NWD2: variants seen among roughly 807,000 people sequenced by gnomAD.
NWD2 encodes NACHT and WD repeat domain containing 2, also known as NACHT and WD repeat domain-containing protein 2.
NWD2 carries 37 observed loss-of-function variants against 132.7 expected under a neutral mutation model. The ratio of observed to expected loss-of-function variants is 0.28; its 90% confidence interval spans 0.21 to 0.37. The LOEUF (loss-of-function observed/expected upper bound fraction) is 0.37. Ranked by LOEUF, NWD2 falls within the 10% of genes least tolerant of loss-of-function variation. NWD2 has a pLI of 1.00. For synonymous variants in NWD2, 705 were observed against 803.0 expected, an observed-to-expected ratio of 0.88 and a Z score of 2.06; for missense variants, 1,592 against 2,122.4, an observed-to-expected ratio of 0.75 and a Z score of 4.91.
chr4:37,313,438 G>A (rs146151264), intron 1 of NWD2, among the ~76,000 whole-genome samples: 23,614 of 151,012 alleles, frequency 0.16, 2,449 homozygotes, highest in South Asian at 0.33. Flanking sequence ...AGTATTCTCT[G>A]ATGGTAGTTT....
chr4:37,384,736 C>T (rs1490265407), intron 3 of NWD2, among the ~76,000 whole-genome samples: 1 of 152,190 alleles, frequency 6.6e-6, no homozygotes, highest in Non-Finnish European at 1.5e-5. Context: ...AAGACTTTTA[C>T]CCCAAAGAAC....
intron 3 of NWD2, among the ~76,000 whole-genome samples, chr4:37,364,977 GTGTAGC>G (rs1187009019): frequency 6.6e-6 from 1 of 152,196 alleles, no homozygotes; most frequent in Non-Finnish European, 1.5e-5. Flanking sequence ...AAGACAAAGT[GTGTAGC>G]TGTAACTGAC....
At chr4:37,399,004 A>G (rs1459156260) in intron 3 of NWD2, among the ~76,000 whole-genome samples, 1 of 152,242 alleles carries the variant, frequency 6.6e-6, no homozygotes, top group Non-Finnish European at 1.5e-5. Flanking sequence ...ATTTTTCATC[A>G]TATGATAAAA....
chr4:37,342,083 C>T (rs1034681352), intron 2 of NWD2, among the ~76,000 whole-genome samples: 10 of 152,166 alleles, frequency 6.6e-5, no homozygotes, highest in African/African-American at 2.4e-4. Context: ...TGTTTATCCC[C>T]TCCAAATCTC....
chr4:37,421,542 C>A (rs977133473), intron 3 of NWD2, among the ~76,000 whole-genome samples: 2 of 152,130 alleles, frequency 1.3e-5, no homozygotes, highest in Non-Finnish European at 1.5e-5. Flanking sequence ...AATTTAATAA[C>A]TATAATTAAA....
At chr4:37,402,442 T>G (rs17493678) in intron 3 of NWD2, among the ~76,000 whole-genome samples, 3,670 of 152,318 alleles carry the variant, frequency 0.024, 57 homozygotes, top group Middle Eastern at 0.058. Flanking sequence ...GAAAATTAGA[T>G]GTTGAAGCAC....
In NWD2 at chr4:37,282,343, G is replaced by GT. The variant is rs72090604; in HGVS notation, c.151+37132dup. Among the ~76,000 whole-genome samples, 41 of 152,072 alleles carry GT rather than the reference G, an allele frequency of 2.7e-4. 1 individual carries two copies. Among genetic ancestry groups the GT allele is most frequent in the African/African-American group, 9.6e-4 (40 of 41,492 alleles). The stretch of plus-strand genomic sequence containing the variant: ...GAAAAAAAATGCAGAATAACAATGG[G>GT]TTTTTTTCCCCTGAGCCTGCTTTAC... On this transcript the variant is annotated intron_variant, in intron 1 of 6. Transcript: ENST00000309447.
chr4:37,279,795 TAAAAAC>T (rs1718092436), intron 1 of NWD2, among the ~76,000 whole-genome samples: 1 of 151,948 alleles, frequency 6.6e-6, no homozygotes, highest in Non-Finnish European at 1.5e-5. Flanking sequence ...AAATAAAAAA[TAAAAAC>T]AAGAAGTAGG....
intron 1 of NWD2, among the ~76,000 whole-genome samples, chr4:37,294,496 A>C (rs1201348444): frequency 6.6e-6 from 1 of 152,184 alleles, no homozygotes; most frequent in Non-Finnish European, 1.5e-5. Flanking sequence ...CCAAATGTCC[A>C]TCTCACCTCC....
chr4:37,431,999 C>CTCTG (rs1553855962), intron 4 of NWD2, among the ~76,000 whole-genome samples: 20 of 152,072 alleles, frequency 1.3e-4, no homozygotes, highest in Admixed American at 1.3e-3. Flanking sequence ...ATGAAGCTCC[C>CTCTG]TTTGCTTCTC....
chr4:37,416,164 G>T (rs1175925416), intron 3 of NWD2, among the ~76,000 whole-genome samples: 1 of 152,216 alleles, frequency 6.6e-6, no homozygotes, highest in African/African-American at 2.4e-5. Context: ...GCCAGGCATT[G>T]TGCAATGTAT....
chr4:37,437,606 A>G (rs1712356134), intron 5 of NWD2, among the ~76,000 whole-genome samples: 1 of 152,220 alleles, frequency 6.6e-6, no homozygotes, highest in African/African-American at 2.4e-5. Context: ...ATGAAGAGCA[A>G]TTACATGAAG....
In NWD2 at chr4:37,271,009, C is replaced by T. The variant is rs994073026; in HGVS notation, c.151+25791C>T. 2.0e-5 allele frequency among the ~76,000 whole-genome samples: 3 copies of T among 151,746 alleles called. No individual in the cohort carries two copies. The East Asian group carries it at 5.8e-4, about 29-fold the overall frequency. On this transcript the variant is annotated intron_variant, in intron 1 of 6. Transcript: ENST00000309447. ...TCTGTTAAAAAGACTTTCTTTTCCC[C>T]CATTGAATTGCTTTGACAGCTTTGT... is the stretch of plus-strand genomic sequence containing the variant.
intron 3 of NWD2, among the ~76,000 whole-genome samples, chr4:37,407,713 T>G (rs1392950530): frequency 6.6e-6 from 1 of 152,098 alleles, no homozygotes; most frequent in Non-Finnish European, 1.5e-5. Flanking sequence ...AAGTGTGGAG[T>G]TAAATTAAGA....
chr4:37,299,630 C>T (rs572283784), intron 1 of NWD2, among the ~76,000 whole-genome samples: 1 of 152,196 alleles, frequency 6.6e-6, no homozygotes, highest in East Asian at 1.9e-4. Context: ...TTCTTTAACA[C>T]CTAGCAGAGT....
In NWD2 at chr4:37,446,446, A is replaced by T. The variant is rs1259011538; in HGVS notation, c.4458A>T (p.Leu1486Phe). The T allele has an allele frequency of 6.4e-7, 1 of 1,551,692 alleles. No individual in the cohort carries two copies. The highest frequency in any genetic ancestry group is 1.2e-5 in the South Asian group (1 of 84,060). ...GGACCACCATCGTGAATTTTAAATT[A>T]ATCCCTGACTGTCCTGATATCATCG... is the stretch of plus-strand genomic sequence containing the variant. The part of the protein sequence containing the change: ...EDGTTIVNFK[L>F]IPDCPDIIVF... Residue 1486 changes from leucine (L) to phenylalanine (F), a missense_variant, in exon 7 of 7, where the codon TTA becomes TTT. Transcript: ENST00000309447. This position sits in a 1 kb window ranked among gnomAD's most constrained non-coding sequence, Gnocchi z 6.7.
At chr4:37,271,732 A>G (rs1717874576) in intron 1 of NWD2, among the ~76,000 whole-genome samples, 1 of 151,818 alleles carries the variant, frequency 6.6e-6, no homozygotes, top group South Asian at 2.1e-4. Flanking sequence ...TTGTTAAACA[A>G]AAGTGATGGG....
intron 1 of NWD2, among the ~76,000 whole-genome samples, chr4:37,266,155 T>C (rs1717747772): frequency 6.6e-6 from 1 of 152,100 alleles, no homozygotes; most frequent in South Asian, 2.1e-4. Flanking sequence ...TCTCAAATGC[T>C]GTGTTCTCCA....
At chr4:37,311,581 G>A (rs1718842967) in intron 1 of NWD2, among the ~76,000 whole-genome samples, 1 of 148,942 alleles carries the variant, frequency 6.7e-6, no homozygotes, top group East Asian at 2.0e-4. Context: ...CCATTTTGTA[G>A]GTTGCCTGTT....
Sources: gnomAD v4.1 joint callset for allele counts (sites outside exome capture counted in the v4.1 genomes callset) on GRCh38, gnomAD v4.1.1 for gene constraint, Gnocchi (gnomAD v3.1) non-coding constraint, MANE v1.5 for transcripts, NCBI Gene and HGNC (gene_info 2026-07-23, HGNC 2026-07-21) for gene names.